Variants in RABL2B observed in about 807,000 individuals in gnomAD.
RABL2B encodes RAB, member of RAS oncogene family like 2B.
In RABL2B, 17 loss-of-function variants were observed where a neutral mutation model predicts 26.7. That is an observed-to-expected ratio of 0.64 (90% CI 0.44 to 0.95). The LOEUF (loss-of-function observed/expected upper bound fraction) is 0.95. RABL2B is among the 40% of genes least tolerant of loss of function. The pLI is 0.00. For synonymous variants in RABL2B, 70 were observed against 103.9 expected (o/e 0.67, Z 1.99); for missense variants, 170 against 277.2 (o/e 0.61, Z 2.75).
chr22:50,774,996 C>T (rs1376316552), intron 5 of RABL2B, among the ~76,000 whole-genome samples: 1 of 152,216 alleles, frequency 6.6e-6, no homozygotes, highest in Non-Finnish European at 1.5e-5. Context: ...CCAGGCTGGT[C>T]TCAAACTGCT....
rs1444932772 is a variant in RABL2B, at chr22:50,782,196, GC to G, written c.98del (p.Gly33AlafsTer24). 2.6e-6 allele frequency: 4 copies of G among 1,537,046 alleles called. No homozygotes were observed. The African/African-American group carries it at 5.6e-5, about 22-fold the overall frequency. Reference sequence around the variant, plus strand: ...CTAATCTCCCAACATACTTGGATTTGCCCACTGCGCTGTCTCCCAGGCAGAT... The same window carrying G: ...CTAATCTCCCAACATACTTGGATTTGCCACTGCGCTGTCTCCCAGGCAGAT... ...KIICLGDSAV[G>X]KSKLMERFLM... is the part of the protein sequence containing the mutation. On this transcript the variant is annotated frameshift_variant, in exon 2 of 9. Coordinates refer to ENST00000691320, the MANE Select transcript of RABL2B (RefSeq NM_001130919.3). LOFTEE classifies it high-confidence loss of function.
chr22:50,770,363 A>T (rs545976167), intron 5 of RABL2B: 1 of 312,200 alleles, frequency 3.2e-6, no homozygotes, highest in African/African-American at 2.2e-5. Context: ...TAAAAATGCA[A>T]AAAATTAGCT....
At chr22:50,777,865 G>A in intron 3 of RABL2B, 87 bp downstream of exon 3, 2 of 1,602,502 alleles carry the variant, frequency 1.2e-6, no homozygotes, top group Middle Eastern at 1.7e-4. Context: ...CTGGGCTGCT[G>A]GTACAAAGGT....
rs184504272 is a variant in RABL2B at position 50,780,440 on chromosome 22, C to T, written c.107+1748G>A. Among the ~76,000 whole-genome samples, 346 of 135,268 alleles carry T rather than the reference C, an allele frequency of 2.6e-3. 2 individuals are homozygous for T. Among genetic ancestry groups the T allele is most frequent in the African/African-American group, 8.2e-3 (297 of 36,428 alleles). The allele number at this position is 135,268 out of a possible 152,430, so 88.7% of individuals were successfully genotyped here. A position where few individuals can be genotyped will look rare whatever the true frequency, so the allele number is the denominator to read the frequency against. On this transcript the variant is annotated intron_variant, in intron 2 of 8. Transcript: ENST00000691320. ...TTTTTGAGACAGGGTCTTGCTCTGT[C>T]ACTAGGCTAGAGTGCAGTGGCGCAA...
intron 2 of RABL2B, 131 bp from the exon 3 acceptor site, chr22:50,778,112 C>T (rs2147261469): frequency 1.6e-6 from 2 of 1,260,108 alleles, no homozygotes; most frequent in East Asian, 2.3e-5. Context: ...CACAGCCACA[C>T]AGCTTCCGGG....
In RABL2B at chr22:50,767,860, G is replaced by C. The variant is rs1370228603; in HGVS notation, c.*916C>G. 7.4e-6 allele frequency: 3 copies of C among 404,462 alleles called. No homozygotes were observed. The highest frequency in any genetic ancestry group is 4.2e-5 in the African/African-American group (2 of 47,322). The allele number at this position is 404,462 out of a possible 1,614,324, so 25.1% of individuals were successfully genotyped here. On this transcript the variant is annotated 3_prime_UTR_variant, in exon 9 of 9. Coordinates refer to ENST00000691320, the MANE Select transcript of RABL2B (RefSeq NM_001130919.3). ...ACTATAGCTAGGCCTGTCACCTGCT[G>C]TTCCTGTGATCTCAGCTTTACCTAG...
At chr22:50,778,418 C>T (rs546393746) in intron 2 of RABL2B, among the ~76,000 whole-genome samples, 1 of 151,892 alleles carries the variant, frequency 6.6e-6, no homozygotes, top group Non-Finnish European at 1.5e-5. Context: ...CTTGTCTCCA[C>T]TAAAGATACA....
rs1222749445 is a variant in RABL2B, at chr22:50,782,375, TTGTCAGA to T, written c.-53-35_-53-29del. On this transcript the variant is annotated intron_variant, in intron 1 of 8. Transcript: ENST00000691320. ...GTCTGGGAAGATCAACAAGAGGCTG[TTGTCAGA>T]GATAAGTCCCCTCAACCAAATCTCC... The T allele has an allele frequency of 5.0e-6, 7 of 1,386,762 alleles. No individual in the cohort carries two copies. In the Admixed American group the frequency reaches 1.4e-4, roughly 27 times the overall value. The allele number at this position is 1,386,762 out of a possible 1,614,324, so 85.9% of individuals were successfully genotyped here.
intron 2 of RABL2B, among the ~76,000 whole-genome samples, chr22:50,778,636 CA>C (rs2085342129): frequency 6.6e-6 from 1 of 151,508 alleles, no homozygotes; most frequent in African/African-American, 2.4e-5. Flanking sequence ...CAAACTCTCC[CA>C]TTTCTTTTCT....
intron 5 of RABL2B, among the ~76,000 whole-genome samples, chr22:50,773,541 G>A (rs1373148103): frequency 6.6e-6 from 1 of 151,746 alleles, no homozygotes; most frequent in Non-Finnish European, 1.5e-5. Flanking sequence ...AGTGGTGCAG[G>A]AGCACACACG....
chr22:50,776,805 G>A lies in RABL2B; in HGVS notation c.138-56C>T, dbSNP rs555724607. 1.6e-4 allele frequency: 249 copies of A among 1,556,314 alleles called. 3 individuals carry two copies. The South Asian group carries it at 2.8e-3, about 18-fold the overall frequency. On this transcript the variant is annotated intron_variant, in intron 3 of 8. Transcript: ENST00000691320. Reference sequence around the variant, plus strand: ...AAAGGGGAGGTAAGGAAGGAGTGGGGAGCAGGGGTGTTTGGTTTGATGAAA... The same window carrying A: ...AAAGGGGAGGTAAGGAAGGAGTGGGAAGCAGGGGTGTTTGGTTTGATGAAA...
At chr22:50,772,792 C>G (rs1343376152) in intron 5 of RABL2B, 6 of 1,125,744 alleles carry the variant, frequency 5.3e-6, no homozygotes, top group Non-Finnish European at 5.5e-6. Flanking sequence ...ACACCAGGCT[C>G]AGATGCCTTT....
chr22:50,767,812 A>T lies in RABL2B; in HGVS notation c.*964T>A. 1 of 448,900 alleles carries T rather than the reference A, an allele frequency of 2.2e-6. No homozygotes were observed. The highest frequency in any genetic ancestry group is 1.6e-5 in the South Asian group (1 of 63,414). 27.8% of individuals were successfully genotyped at this position (448,900 alleles called of 1,614,324 possible). ...CTTGTGGTATGGCTGTAAGGACTCGATTTTACGGCTTGTGTATTCCTAACT... is the reference window on the plus strand; with the variant it reads ...CTTGTGGTATGGCTGTAAGGACTCGTTTTTACGGCTTGTGTATTCCTAACT... On this transcript the variant is annotated 3_prime_UTR_variant, in exon 9 of 9. Transcript: ENST00000691320.
chr22:50,769,589 AG>A, intron 6 of RABL2B, 37 bp from the exon 7 acceptor site: 1 of 1,613,610 alleles, frequency 6.2e-7, no homozygotes, highest in Non-Finnish European at 8.5e-7. Context: ...CTGTCTGTCA[AG>A]GGAAGGGAAG....
chr22:50,773,688 G>A (rs1261399661), intron 5 of RABL2B, among the ~76,000 whole-genome samples: 4 of 151,458 alleles, frequency 2.6e-5, no homozygotes, highest in Non-Finnish European at 4.4e-5. Context: ...CATGAAGGAA[G>A]GTGTGCAGAG....
chr22:50,768,699 T>C lies in RABL2B; in HGVS notation c.*77A>G, dbSNP rs1555915653. On this transcript the variant is annotated 3_prime_UTR_variant, in exon 9 of 9. Coordinates refer to ENST00000691320, the MANE Select transcript of RABL2B (RefSeq NM_001130919.3). ...TAGAAGAGGGGATGGCCTAGAGAGT[T>C]TCTCCATTCAGAGCTGGAGAGTTGT... The C allele has an allele frequency of 6.7e-7, 1 of 1,498,520 alleles. No homozygotes were observed. Among genetic ancestry groups the C allele is most frequent in the African/African-American group, 1.4e-5 (1 of 71,358 alleles). The allele number at this position is 1,498,520 out of a possible 1,614,324, so 92.8% of individuals were successfully genotyped here. A position where few individuals can be genotyped will look rare whatever the true frequency, so the allele number is the denominator to read the frequency against.
intron 7 of RABL2B, 38 bp downstream of exon 7, chr22:50,769,417 G>A (rs371770888): frequency 2.7e-5 from 43 of 1,609,316 alleles, no homozygotes; most frequent in African/African-American, 9.4e-5. Flanking sequence ...ACCACCTAGC[G>A]CCCTGACCTT....
At position 50,768,604 on chromosome 22, in the gene RABL2B, G is replaced by C; in HGVS notation, c.*172C>G. Reference sequence around the variant, plus strand: ...TCTTCCACCAGTCCAGAGTTTGCTGGTGCTGACCTCATCCCTGTATCACGG... The same window carrying C: ...TCTTCCACCAGTCCAGAGTTTGCTGCTGCTGACCTCATCCCTGTATCACGG... On this transcript the variant is annotated 3_prime_UTR_variant, in exon 9 of 9. Coordinates refer to ENST00000691320, the MANE Select transcript of RABL2B (RefSeq NM_001130919.3). 1 of 1,440,412 alleles carries C rather than the reference G, an allele frequency of 6.9e-7. No homozygotes were observed. 89.2% of individuals were successfully genotyped at this position (1,440,412 alleles called of 1,614,324 possible). A position where few individuals can be genotyped will look rare whatever the true frequency, so the allele number is the denominator to read the frequency against.
rs530899616 is a variant in RABL2B, at chr22:50,769,258, G to A, written c.508-134C>T. Reference sequence around the variant, plus strand: ...CTTACCCCTCCATTTGCCTCTCCCCGTCACCCTGACCTATGTATGGTCAAT... The same window carrying A: ...CTTACCCCTCCATTTGCCTCTCCCCATCACCCTGACCTATGTATGGTCAAT... On this transcript the variant is annotated intron_variant, in intron 7 of 8. Transcript: ENST00000691320. 131 of 659,502 alleles carry A rather than the reference G, an allele frequency of 2.0e-4. 2 individuals carry two copies. In the African/African-American group the frequency reaches 2.0e-3, roughly 10 times the overall value. The allele number at this position is 659,502 out of a possible 1,614,324, so 40.9% of individuals were successfully genotyped here.
Sources: gnomAD v4.1 joint callset for allele counts (sites outside exome capture counted in the v4.1 genomes callset) on GRCh38, gnomAD v4.1.1 for gene constraint, MANE v1.5 for transcripts, NCBI Gene and HGNC (gene_info 2026-07-23, HGNC 2026-07-21) for gene names.